SERPINI1: variants seen among roughly 807,000 people sequenced by gnomAD.
The protein encoded by SERPINI1 is serpin family I member 1, also known as neuroserpin.
A neutral mutation model predicts 41.1 loss-of-function variants in SERPINI1; 19 were observed. That is an observed-to-expected ratio of 0.46 (90% confidence interval 0.32 to 0.68). SERPINI1 has a LOEUF of 0.68. Among genes scored for constraint, SERPINI1 ranks in the 30% least tolerant of loss-of-function variants. The pLI is 0.03. For missense variants in SERPINI1, 460 were observed against 479.2 expected (o/e 0.96, Z 0.37); for synonymous variants, 138 against 156.6 (o/e 0.88, Z 0.89).
chr3:167,789,807 AT>A (rs577214046), intron 2 of SERPINI1, among the ~76,000 whole-genome samples: 10 of 151,992 alleles, frequency 6.6e-5, no homozygotes, highest in Admixed American at 4.6e-4. Context: ...AGCATCCAAG[AT>A]TTTTTTTGAA....
In SERPINI1 at chr3:167,758,647, G is replaced by A. The variant is rs374599847; in HGVS notation, c.-19+22824G>A. ...CATGACACTTTTTCACAGATTGGAG[G>A]AGACTAAGGACATGTGGCAACTCAA... On this transcript the variant is annotated intron_variant, in intron 1 of 8. Transcript: ENST00000446050. 4.9e-4 allele frequency among the ~76,000 whole-genome samples: 74 copies of A among 152,262 alleles called. 1 individual carries two copies. In the South Asian group the frequency reaches 0.015, roughly 32 times the overall value.
intron 5 of SERPINI1, among the ~76,000 whole-genome samples, chr3:167,802,310 A>G (rs1328473091): frequency 1.3e-5 from 2 of 151,858 alleles, no homozygotes; most frequent in African/African-American, 4.8e-5. Flanking sequence ...TCTGCACAGC[A>G]AAACAAACTA....
At chr3:167,803,577 C>A (rs549272266) in intron 5 of SERPINI1, among the ~76,000 whole-genome samples, 12 of 152,242 alleles carry the variant, frequency 7.9e-5, no homozygotes, top group Admixed American at 5.9e-4. Flanking sequence ...ATTATTATTG[C>A]CATTTTCCTG....
intron 1 of SERPINI1, among the ~76,000 whole-genome samples, chr3:167,783,627 T>G (rs1727211829): frequency 6.6e-6 from 1 of 151,910 alleles, no homozygotes; most frequent in Admixed American, 6.6e-5. Flanking sequence ...ATATCAACAC[T>G]TAAAATGTAG....
chr3:167,741,850 T>G (rs1288874541), intron 1 of SERPINI1, among the ~76,000 whole-genome samples: 2 of 152,228 alleles, frequency 1.3e-5, no homozygotes, highest in Non-Finnish European at 2.9e-5. Flanking sequence ...TGACATACAA[T>G]ACCAGATGAA....
At chr3:167,772,864 C>CTCTCTCTCTATATATATA (rs1374013676) in intron 1 of SERPINI1, among the ~76,000 whole-genome samples, 11 of 24,624 alleles carry the variant, frequency 4.5e-4, no homozygotes, top group Admixed American at 6.3e-4. Flanking sequence ...CTCTCTCTCT[C>CTCTCTCTCTATATATATA]TATATATATA....
At chr3:167,745,263 T>C (rs1309743139) in intron 1 of SERPINI1, among the ~76,000 whole-genome samples, 1 of 151,880 alleles carries the variant, frequency 6.6e-6, no homozygotes, top group Admixed American at 6.6e-5. Context: ...AAGGTTGGTT[T>C]AACATGAAAA....
intron 6 of SERPINI1, among the ~76,000 whole-genome samples, chr3:167,815,234 A>G (rs1712038113): frequency 1.3e-5 from 2 of 152,248 alleles, no homozygotes; most frequent in South Asian, 2.1e-4. Flanking sequence ...ATCTACTTCT[A>G]AGATTTTGTG....
At chr3:167,786,967 A>C (rs529231809) in intron 1 of SERPINI1, among the ~76,000 whole-genome samples, 1 of 152,340 alleles carries the variant, frequency 6.6e-6, no homozygotes, top group East Asian at 1.9e-4. Context: ...CAGACACATC[A>C]TACAGCTGTA....
intron 6 of SERPINI1, among the ~76,000 whole-genome samples, chr3:167,808,839 C>T (rs927582431): frequency 2.0e-5 from 3 of 152,050 alleles, no homozygotes; most frequent in African/African-American, 4.8e-5. Flanking sequence ...TTGGGGGGCT[C>T]GTATTAATAG....
chr3:167,760,050 A>G (rs2108539549), intron 1 of SERPINI1, among the ~76,000 whole-genome samples: 1 of 152,298 alleles, frequency 6.6e-6, no homozygotes, highest in East Asian at 1.9e-4. Context: ...CTTTAAGGTT[A>G]TACAAATATC....
intron 1 of SERPINI1, among the ~76,000 whole-genome samples, chr3:167,785,078 T>G (rs1441013909): frequency 6.6e-6 from 1 of 151,924 alleles, no homozygotes; most frequent in Non-Finnish European, 1.5e-5. Flanking sequence ...CCGTCTCTAC[T>G]AAAAATACAA....
chr3:167,789,088 A>C (rs199986072), intron 1 of SERPINI1, 23 bp from the exon 2 acceptor site: 6 of 1,605,684 alleles, frequency 3.7e-6, no homozygotes, highest in African/African-American at 1.3e-5. Context: ...CTAATAATTA[A>C]TATGTAAATT....
intron 5 of SERPINI1, among the ~76,000 whole-genome samples, chr3:167,805,606 T>C (rs145483991): frequency 6.6e-6 from 1 of 152,300 alleles, no homozygotes; most frequent in African/African-American, 2.4e-5. Context: ...AGATATGAAG[T>C]CTTTGCCCAT....
chr3:167,821,971 C>A (rs752850288), intron 6 of SERPINI1, among the ~76,000 whole-genome samples: 2 of 152,126 alleles, frequency 1.3e-5, no homozygotes, highest in African/African-American at 4.8e-5. Context: ...TTTATTAAAG[C>A]CCTCAGCTGA....
At chr3:167,743,601 A>G (rs1206179580) in intron 1 of SERPINI1, among the ~76,000 whole-genome samples, 1 of 152,116 alleles carries the variant, frequency 6.6e-6, no homozygotes, top group Non-Finnish European at 1.5e-5. Context: ...TCCAGATAAG[A>G]GTCACGTGTA....
chr3:167,767,968 A>T (rs1175180610), intron 1 of SERPINI1, among the ~76,000 whole-genome samples: 2 of 152,212 alleles, frequency 1.3e-5, no homozygotes, highest in African/African-American at 4.8e-5. Flanking sequence ...ACAAGAAAGA[A>T]TTTAGACTAT....
At chr3:167,751,280 G>T (rs1177882713) in intron 1 of SERPINI1, among the ~76,000 whole-genome samples, 1 of 152,126 alleles carries the variant, frequency 6.6e-6, no homozygotes, top group Non-Finnish European at 1.5e-5. Flanking sequence ...CTAAGAAACT[G>T]CAGACTTCTG....
chr3:167,797,170 T>C (rs1340105620), intron 5 of SERPINI1, among the ~76,000 whole-genome samples: 1 of 152,142 alleles, frequency 6.6e-6, no homozygotes, highest in African/African-American at 2.4e-5. Flanking sequence ...TTGAGTCATG[T>C]TGTTCATGCC....
Sources: gnomAD v4.1 joint callset for allele counts (sites outside exome capture counted in the v4.1 genomes callset) on GRCh38, gnomAD v4.1.1 for gene constraint, MANE v1.5 for transcripts, NCBI Gene and HGNC (gene_info 2026-07-23, HGNC 2026-07-21) for gene names.